The following GALNT14 variants were observed in gnomAD, a reference collection of about 807,000 sequenced individuals.
The protein encoded by GALNT14 is polypeptide N-acetylgalactosaminyltransferase 14, also known as UDP-GalNAc:polypeptide N-acetylgalactosaminyltransferase 14.
Under a neutral mutation model 77.5 loss-of-function variants are expected in GALNT14, and 60 were observed. The observed-to-expected ratio is 0.77, with a 90% CI of 0.63 to 0.96. The LOEUF (loss-of-function observed/expected upper bound fraction) is 0.96. GALNT14 is among the 40% of genes least tolerant of loss of function. The pLI is 0.00. For missense variants in GALNT14, 710 were observed against 731.0 expected (o/e 0.97, Z 0.33); for synonymous variants, 280 against 281.7 (o/e 0.99, Z 0.06).
At position 30,922,931 on chromosome 2, in the gene GALNT14, GA is replaced by G. The variant is rs1665119702; in HGVS notation, c.1380+1187del. 2.6e-5 allele frequency among the ~76,000 whole-genome samples: 4 copies of G among 152,020 alleles called. 1 individual carries two copies. The highest frequency in any genetic ancestry group is 7.2e-5 in the African/African-American group (3 of 41,410). On this transcript the variant is annotated intron_variant, in intron 13 of 14. Transcript: ENST00000349752. ...AGGAAACTGTCAAAGCTGGAAGCAT[GA>G]AAAAATCTCCAAGAAATCGTTTGTA...
At chr2:30,894,160 C>A in the GALNT14 span, among the ~76,000 whole-genome samples, 3 of 152,122 alleles carry the variant, frequency 2.0e-5, no homozygotes, top group African/African-American at 7.2e-5. Flanking sequence ...CTTCTCTGAG[C>A]ACTGTTTCTT....
chr2:31,096,246 C>T (rs568334885), intron 1 of GALNT14, among the ~76,000 whole-genome samples: 1 of 152,276 alleles, frequency 6.6e-6, no homozygotes, highest in African/African-American at 2.4e-5. Flanking sequence ...TTAATTTCAC[C>T]TGCAACCTTA....
Position 31,033,426 on chromosome 2 carries a change from A to C in GALNT14, c.130-40419T>G, listed in dbSNP as rs141181292. On this transcript the variant is annotated intron_variant, in intron 1 of 14. Transcript: ENST00000349752. ...TCCCAATTCTCTCTTCTTCAAGCCA[A>C]TTGTTTAACATGTGGAGTCTACCCT... Among the ~76,000 whole-genome samples the C allele has an allele frequency of 2.1e-3, 319 of 152,250 alleles. 2 individuals carry two copies. The highest frequency in any genetic ancestry group is 7.5e-3 in the African/African-American group (310 of 41,540).
chr2:31,006,393 C>T (rs963067579), intron 1 of GALNT14, among the ~76,000 whole-genome samples: 1 of 152,052 alleles, frequency 6.6e-6, no homozygotes, highest in East Asian at 1.9e-4. Flanking sequence ...AGGCTCTATC[C>T]TAAGAATGTC....
chr2:31,078,689 G>A (rs13023792), intron 1 of GALNT14, among the ~76,000 whole-genome samples: 80,243 of 152,002 alleles, frequency 0.53, 21,927 homozygotes, highest in African/African-American at 0.67. Context: ...CTCAGGCCCC[G>A]GGGCCACACC....
At chr2:31,038,841 G>A (rs1359986325) in intron 1 of GALNT14, among the ~76,000 whole-genome samples, 2 of 151,968 alleles carry the variant, frequency 1.3e-5, no homozygotes, top group African/African-American at 4.8e-5. Flanking sequence ...TGCCTACTGG[G>A]TTCAAGAGAT....
At chr2:30,984,783 T>C (rs1460689976) in intron 2 of GALNT14, among the ~76,000 whole-genome samples, 1 of 152,180 alleles carries the variant, frequency 6.6e-6, no homozygotes, top group East Asian at 1.9e-4. Flanking sequence ...CAGCCACGTG[T>C]AAATTCCTTC....
intron 11 of GALNT14, among the ~76,000 whole-genome samples, chr2:30,927,959 G>A (rs1665489978): frequency 6.6e-6 from 1 of 152,142 alleles, no homozygotes; most frequent in Admixed American, 6.5e-5. Context: ...TGAACTGTGG[G>A]GATGGTGTTG....
At chr2:30,890,424 A>AAAT in the GALNT14 span, among the ~76,000 whole-genome samples, 1 of 152,170 alleles carries the variant, frequency 6.6e-6, no homozygotes, top group African/African-American at 2.4e-5. Flanking sequence ...TGTATCTCTG[A>AAAT]AATGGGGATA....
the GALNT14 span, among the ~76,000 whole-genome samples, chr2:30,891,402 G>C: frequency 6.6e-6 from 1 of 152,158 alleles, no homozygotes; most frequent in Non-Finnish European, 1.5e-5. Flanking sequence ...CTAACAGGTG[G>C]GGGGTCTTCA....
chr2:30,955,774 C>T (rs1323057132), intron 5 of GALNT14, 35 bp from the exon 6 acceptor site: 3 of 1,612,974 alleles, frequency 1.9e-6, no homozygotes, highest in Admixed American at 3.3e-5. Context: ...GTGGGTGCCA[C>T]TGTCACTCCA....
At chr2:30,978,378 T>C (rs747073086) in intron 2 of GALNT14, among the ~76,000 whole-genome samples, 12 of 152,236 alleles carry the variant, frequency 7.9e-5, no homozygotes, top group Non-Finnish European at 1.8e-4. Context: ...GCCACGTTTC[T>C]ACTTCTTTAA....
chr2:31,065,979 C>A (rs1433495797), intron 1 of GALNT14, among the ~76,000 whole-genome samples: 1 of 152,170 alleles, frequency 6.6e-6, no homozygotes, highest in Non-Finnish European at 1.5e-5. Flanking sequence ...GGATTCCAAT[C>A]CCCGCCCCAC....
At chr2:31,024,310 A>G (rs113625860) in intron 1 of GALNT14, among the ~76,000 whole-genome samples, 11 of 152,184 alleles carry the variant, frequency 7.2e-5, no homozygotes, top group African/African-American at 1.9e-4. Flanking sequence ...GTCAGATCAC[A>G]TCACATCTTG....
At chr2:30,952,168 G>A (rs540083348) in intron 6 of GALNT14, among the ~76,000 whole-genome samples, 1 of 152,098 alleles carries the variant, frequency 6.6e-6, no homozygotes, top group Non-Finnish European at 1.5e-5. Context: ...TATAAATACA[G>A]TATTATAGTA....
chr2:30,905,229 G>C, the GALNT14 span, among the ~76,000 whole-genome samples: 1 of 152,224 alleles, frequency 6.6e-6, no homozygotes, highest in African/African-American at 2.4e-5. Context: ...TTGACGAGCT[G>C]AGAGAAGAAG....
At chr2:30,981,970 C>CA (rs1263842457) in intron 2 of GALNT14, among the ~76,000 whole-genome samples, 2 of 152,034 alleles carry the variant, frequency 1.3e-5, no homozygotes, top group Non-Finnish European at 2.9e-5. Flanking sequence ...GACAAAATGG[C>CA]AAAAAATATC....
At position 31,129,255 on chromosome 2, in the gene GALNT14, C is replaced by T. The variant is rs572744627; in HGVS notation, c.129+8703G>A. On this transcript the variant is annotated intron_variant, in intron 1 of 14. Coordinates refer to ENST00000349752, the MANE Select transcript of GALNT14 (RefSeq NM_024572.4). ...CTCAGATTCATCACAGTTCAGAAAA[C>T]GAGAATAATAATAACACTCACCTCA... 43 of 531,060 alleles carry T rather than the reference C, an allele frequency of 8.1e-5. No individual in the cohort carries two copies. The South Asian group carries it at 8.2e-4, about 10-fold the overall frequency. 32.9% of individuals were successfully genotyped at this position (531,060 alleles called of 1,614,324 possible). A position where few individuals can be genotyped will look rare whatever the true frequency, so the allele number is the denominator to read the frequency against.
chr2:31,034,346 TC>T (rs915012050), intron 1 of GALNT14, among the ~76,000 whole-genome samples: 44 of 152,324 alleles, frequency 2.9e-4, no homozygotes, highest in African/African-American at 1.0e-3. Flanking sequence ...ACCAAAATAA[TC>T]CTTTATAATA....
Sources: allele counts gnomAD v4.1 joint callset (sites outside exome capture counted in the v4.1 genomes callset), GRCh38; gene constraint gnomAD v4.1.1; transcripts MANE v1.5; gene names NCBI Gene and HGNC (gene_info 2026-07-23, HGNC 2026-07-21).